Variants in TG observed in about 807,000 individuals in gnomAD.
TG encodes thyroid hormones.
In TG, 270 loss-of-function variants were observed where a neutral mutation model predicts 324.7. The observed-to-expected ratio is 0.83, with a 90% confidence interval of 0.75 to 0.92. TG has a LOEUF of 0.92. TG is among the 40% of genes least tolerant of loss of function. TG has a pLI of 0.00. For synonymous variants in TG, 1,401 were observed against 1,327.0 expected (o/e 1.06, Z -1.21); for missense variants, 3,591 against 3,456.4 (o/e 1.04, Z -0.98).
At chr8:133,093,051 G>T (rs1362586429) in intron 41 of TG, among the ~76,000 whole-genome samples, 3 of 152,038 alleles carry the variant, frequency 2.0e-5, no homozygotes, top group Admixed American at 2.0e-4. Flanking sequence ...CTGCCTGTGG[G>T]CCCTTCTGCT....
At chr8:132,945,034 G>C (rs148535854) in intron 26 of TG, among the ~76,000 whole-genome samples, 2,679 of 152,304 alleles carry the variant, frequency 0.018, 34 homozygotes, top group Non-Finnish European at 0.025. Context: ...GAACCTTGTA[G>C]GCGGCATGAA....
intron 43 of TG, among the ~76,000 whole-genome samples, chr8:133,105,435 A>C (rs761053746): frequency 2.6e-5 from 4 of 152,142 alleles, no homozygotes; most frequent in Non-Finnish European, 5.9e-5. Flanking sequence ...TGATTTTAGG[A>C]GCAATCAGGA....
chr8:132,950,490 A>G (rs930734840), intron 27 of TG, among the ~76,000 whole-genome samples: 5 of 152,192 alleles, frequency 3.3e-5, no homozygotes, highest in African/African-American at 7.2e-5. Flanking sequence ...CAGGGTTCCA[A>G]TGGCAGAGCA....
At chr8:133,057,176 G>A (rs895095155) in intron 41 of TG, among the ~76,000 whole-genome samples, 10 of 146,060 alleles carry the variant, frequency 6.8e-5, no homozygotes, top group Admixed American at 1.3e-4. Flanking sequence ...TGCTGCCTCT[G>A]TTGGTGCCTC....
chr8:133,081,201 G>C (rs964609094), intron 41 of TG, among the ~76,000 whole-genome samples: 2 of 152,256 alleles, frequency 1.3e-5, no homozygotes, highest in African/African-American at 4.8e-5. Context: ...TTTCAAATTG[G>C]AGCCTGAGCT....
At chr8:132,896,079 G>T (rs1817055365) in intron 11 of TG, among the ~76,000 whole-genome samples, 1 of 152,258 alleles carries the variant, frequency 6.6e-6, no homozygotes, top group Non-Finnish European at 1.5e-5. Flanking sequence ...CGTGGCGAAG[G>T]CCATGGGAGG....
intron 35 of TG, among the ~76,000 whole-genome samples, chr8:133,007,738 G>T (rs1834148313): frequency 6.6e-6 from 1 of 151,456 alleles, no homozygotes; most frequent in Non-Finnish European, 1.5e-5. Flanking sequence ...ATATATTAAT[G>T]AGGTATTTAT....
At position 132,969,525 on chromosome 8, in the gene TG, C is replaced by T; in HGVS notation, c.5931C>T (p.Ser1977=). 3 of 1,613,874 alleles carry T rather than the reference C, an allele frequency of 1.9e-6. No homozygotes were observed. The highest frequency in any genetic ancestry group is 1.7e-6 in the Non-Finnish European group (2 of 1,179,848). Residue 1977 remains serine (S), a synonymous_variant, in exon 32 of 48, where the codon TCC becomes TCT. Coordinates refer to ENST00000220616, the MANE Select transcript of TG (RefSeq NM_003235.5). ...RLPFQKLMGI[S]IRNKVPMSEK... ...CGTTCCAAAAACTGATGGGGATATC[C>T]ATTAGAAATAAAGTGCCCATGTCTG... is the stretch of plus-strand genomic sequence containing the variant.
chr8:133,054,802 A>C (rs1841061214), intron 41 of TG, among the ~76,000 whole-genome samples: 1 of 152,190 alleles, frequency 6.6e-6, no homozygotes, highest in African/African-American at 2.4e-5. Context: ...ACGAATCCAC[A>C]AAGGGGAGGG....
intron 25 of TG, among the ~76,000 whole-genome samples, chr8:132,936,561 A>C (rs1823623926): frequency 6.6e-6 from 1 of 152,144 alleles, no homozygotes; most frequent in Non-Finnish European, 1.5e-5. Flanking sequence ...TTTCTCATTC[A>C]TCTTTTCATT....
intron 21 of TG, among the ~76,000 whole-genome samples, chr8:132,920,621 AC>A (rs1416228445): frequency 1.3e-5 from 2 of 152,238 alleles, no homozygotes; most frequent in Non-Finnish European, 2.9e-5. Flanking sequence ...CTATCAAAAT[AC>A]CAGAGAAGCA....
At chr8:133,052,518 C>T (rs1307459425) in intron 41 of TG, among the ~76,000 whole-genome samples, 2 of 152,162 alleles carry the variant, frequency 1.3e-5, no homozygotes, top group Non-Finnish European at 2.9e-5. Context: ...CAGACCTTCC[C>T]CAAACCTGTG....
chr8:132,958,602 C>A (rs1827288320), intron 27 of TG, among the ~76,000 whole-genome samples: 1 of 151,820 alleles, frequency 6.6e-6, no homozygotes, highest in African/African-American at 2.4e-5. Flanking sequence ...CCTGTAATCC[C>A]AGCTACTTGG....
At chr8:133,119,881 A>G (rs1851004316) in intron 45 of TG, among the ~76,000 whole-genome samples, 1 of 152,210 alleles carries the variant, frequency 6.6e-6, no homozygotes, top group South Asian at 2.1e-4. Context: ...TGAACTACAG[A>G]TTCAAGCAAC....
chr8:132,889,543 A>G lies in TG; in HGVS notation c.2761+975A>G, dbSNP rs1380127964. Among the ~76,000 whole-genome samples the G allele has an allele frequency of 2.0e-5, 3 of 152,232 alleles. No homozygotes were observed. The East Asian group carries it at 5.8e-4, about 29-fold the overall frequency. ...GACAATGCAAGGATTCTCCAATCAA[A>G]TGTCAAGTTCCAGCAATAGAACCCT... On this transcript the variant is annotated intron_variant, in intron 10 of 47. Coordinates refer to ENST00000220616, the MANE Select transcript of TG (RefSeq NM_003235.5).
In TG at chr8:132,887,144, T is replaced by C; in HGVS notation, c.1772T>C (p.Val591Ala). The change falls in exon 9 of 48, where the codon GTG becomes GCG. Residue 591 changes from valine (V) to alanine (A), a missense_variant. Physicochemically the swap from Val to Ala is moderately conservative, Grantham distance 64. Coordinates refer to ENST00000220616, the MANE Select transcript of TG (RefSeq NM_003235.5). Reference protein sequence around the residue: ...LQHAISVPEDVARDLGDVMET... With the variant: ...LQHAISVPEDAARDLGDVMET... Reference sequence around the variant, plus strand: ...CATGCTATCTCTGTGCCAGAAGATGTGGCAAGAGATTTAGGTGATGTGATG... The same window carrying C: ...CATGCTATCTCTGTGCCAGAAGATGCGGCAAGAGATTTAGGTGATGTGATG... 6.2e-7 allele frequency: 1 copy of C among 1,614,198 alleles called. No individual in the cohort carries two copies. The highest frequency in any genetic ancestry group is 1.1e-5 in the South Asian group (1 of 91,084).
At chr8:133,041,301 T>C (rs185856286) in intron 41 of TG, among the ~76,000 whole-genome samples, 2 of 152,214 alleles carry the variant, frequency 1.3e-5, no homozygotes, top group African/African-American at 2.4e-5. Context: ...CTCTGGGGCA[T>C]CCTTGCCAAA....
intron 46 of TG, among the ~76,000 whole-genome samples, chr8:133,132,285 A>G (rs995582960): frequency 2.0e-5 from 3 of 152,172 alleles, no homozygotes; most frequent in Admixed American, 6.5e-5. Context: ...CTTGGCCTCT[A>G]GATGTCCACC....
chr8:133,081,714 G>C (rs1008732622), intron 41 of TG, among the ~76,000 whole-genome samples: 4 of 144,182 alleles, frequency 2.8e-5, no homozygotes, highest in South Asian at 2.1e-4. Flanking sequence ...CTCCACATCG[G>C]GGGAGATCTT....
Sources: gnomAD v4.1 joint callset for allele counts (sites outside exome capture counted in the v4.1 genomes callset) on GRCh38, gnomAD v4.1.1 for gene constraint, MANE v1.5 for transcripts, NCBI Gene and HGNC (gene_info 2026-07-23, HGNC 2026-07-21) for gene names.